The following ABCB9 variants were observed in gnomAD, a reference collection of about 807,000 sequenced individuals.
ABCB9 encodes ATP binding cassette subfamily B member 9.
A neutral mutation model predicts 62.0 loss-of-function variants in ABCB9; 36 were observed. That is an observed-to-expected ratio of 0.58 (90% confidence interval 0.45 to 0.77). ABCB9 has a LOEUF of 0.77. Among genes scored for constraint, ABCB9 ranks in the 30% least tolerant of loss-of-function variants. The pLI is 0.00. For synonymous variants in ABCB9, 435 were observed against 461.4 expected, an observed-to-expected ratio of 0.94 and a Z score of 0.73; for missense variants, 943 against 1,054.7, an observed-to-expected ratio of 0.89 and a Z score of 1.47.
intron 9 of ABCB9, among the ~76,000 whole-genome samples, chr12:122,939,222 T>C (rs2035613077): frequency 6.6e-6 from 1 of 152,132 alleles, no homozygotes; most frequent in African/African-American, 2.4e-5. Flanking sequence ...GCATAAATAA[T>C]TGTGATAAAC....
chr12:122,931,934 A>G (rs2135759871), intron 11 of ABCB9: 1 of 595,186 alleles, frequency 1.7e-6, no homozygotes, highest in East Asian at 3.1e-5. Context: ...GTAAGCCACC[A>G]CTCATGACCC....
chr12:122,950,759 C>G, intron 2 of ABCB9, 194 bp from the exon 3 acceptor site: 1 of 541,660 alleles, frequency 1.8e-6, no homozygotes, highest in East Asian at 2.9e-5. Context: ...AACAGGGGAG[C>G]ACTGGGCCTT....
Position 122,950,531 on chromosome 12 carries a change from G to A in ABCB9, c.636C>T (p.Ala212=). 1.9e-6 allele frequency: 3 copies of A among 1,613,180 alleles called. 1 individual carries two copies. In the South Asian group the frequency reaches 3.3e-5, roughly 18 times the overall value. The change falls in exon 3 of 12, where the codon GCC becomes GCT. Residue 212 remains alanine (A), a synonymous_variant. Transcript: ENST00000280560. ...TTTTCTGGATGACGATGCCATCAAT[G>A]GCGCGGCCCGTGTAGTAGGGCAGGA... is the stretch of plus-strand genomic sequence containing the variant. ...ETFLPYYTGR[A]IDGIVIQKSM...
At position 122,949,881 on chromosome 12, in the gene ABCB9, G is replaced by C; in HGVS notation, c.754C>G (p.Leu252Val). ...CGAATGTTCAGTCTGGCAAATATGA[G>C]GGTAAAAATGCCGCCCCGAATACCT... ...AAGIRGGIFTLIFARLNIRLR... is the reference protein window; with the variant it reads ...AAGIRGGIFTVIFARLNIRLR... The change falls in exon 4 of 12, where the codon CTC (leucine) becomes GTC (valine). Residue 252 changes from leucine to valine, a missense_variant. Transcript: ENST00000280560. The C allele has an allele frequency of 2.5e-6, 4 of 1,614,186 alleles. No individual in the cohort carries two copies. Among genetic ancestry groups the C allele is most frequent in the Non-Finnish European group, 3.4e-6 (4 of 1,180,008 alleles).
chr12:122,950,540 C>G lies in ABCB9; in HGVS notation c.627G>C (p.Thr209=), dbSNP rs115213079. ...ALGETFLPYY[T]GRAIDGIVIQ... is the part of the protein sequence containing the mutation. ...TGACGATGCCATCAATGGCGCGGCC[C>G]GTGTAGTAGGGCAGGAAGGTCTCTC... The change falls in exon 3 of 12, where the codon ACG becomes ACC. Residue 209 remains threonine, a synonymous_variant. Coordinates refer to ENST00000280560, the MANE Select transcript of ABCB9 (RefSeq NM_019625.4). 1.7e-5 allele frequency: 28 copies of G among 1,612,724 alleles called. No individual in the cohort carries two copies. Among genetic ancestry groups the G allele is most frequent in the African/African-American group, 5.3e-5 (4 of 74,924 alleles).
At chr12:122,924,338 G>A (rs993709752), downstream of ABCB9, among the ~76,000 whole-genome samples, 1 of 152,152 alleles carries the variant, frequency 6.6e-6, no homozygotes, top group Non-Finnish European at 1.5e-5. Context: ...CTATGTTACG[G>A]CATATCGAAG....
chr12:122,949,974 C>A lies in ABCB9; in HGVS notation c.717-56G>T. 2.5e-6 allele frequency: 4 copies of A among 1,605,636 alleles called. No homozygotes were observed. In the South Asian group the frequency reaches 4.4e-5, roughly 18 times the overall value. Reference sequence around the variant, plus strand: ...ATGTCCTTCCAGACCAGTGACCACACCCGGCTGCCCCCTCCCGCTGCCGGC... The same window carrying A: ...ATGTCCTTCCAGACCAGTGACCACAACCGGCTGCCCCCTCCCGCTGCCGGC... On this transcript the variant is annotated intron_variant, in intron 3 of 11. Coordinates refer to ENST00000280560, the MANE Select transcript of ABCB9 (RefSeq NM_019625.4).
chr12:122,974,700 G>A (rs1178121077), intron 1 of ABCB9: 2 of 152,386 alleles, frequency 1.3e-5, no homozygotes, highest in Non-Finnish European at 1.5e-5. Flanking sequence ...GGAGCGTTTT[G>A]GTGGAGACAC....
At chr12:122,928,917 C>G, downstream of ABCB9, 1 of 816,842 alleles carries the variant, frequency 1.2e-6, no homozygotes, top group East Asian at 1.3e-4. Context: ...CCAGAGAGGG[C>G]TGAGAGGAGA....
At chr12:122,926,500 T>C (rs957511285), downstream of ABCB9, among the ~76,000 whole-genome samples, 2 of 152,132 alleles carry the variant, frequency 1.3e-5, no homozygotes, top group Admixed American at 1.3e-4. Flanking sequence ...CGAGCTAAGA[T>C]TGTGCCACTG....
intron 10 of ABCB9, 135 bp downstream of exon 10, chr12:122,935,136 TG>T: frequency 9.1e-7 from 1 of 1,098,418 alleles, no homozygotes; most frequent in Non-Finnish European, 1.2e-6. Flanking sequence ...GGTTCGAGTC[TG>T]GCCAGGGTAA....
At chr12:122,962,729 G>A (rs2036973515) in intron 1 of ABCB9, among the ~76,000 whole-genome samples, 1 of 152,190 alleles carries the variant, frequency 6.6e-6, no homozygotes, top group South Asian at 2.1e-4. Context: ...AGCAGACAGG[G>A]ATGTAACACT....
Position 122,932,044 on chromosome 12 carries a change from A to G in ABCB9, c.2040+148T>C. The G allele has an allele frequency of 7.1e-7, 1 of 1,412,804 alleles. No individual in the cohort carries two copies. The highest frequency in any genetic ancestry group is 2.5e-5 in the East Asian group (1 of 40,114). The allele number at this position is 1,412,804 out of a possible 1,614,324, so 87.5% of individuals were successfully genotyped here. On this transcript the variant is annotated intron_variant, in intron 11 of 11. Coordinates refer to ENST00000280560, the MANE Select transcript of ABCB9 (RefSeq NM_019625.4). This position sits in a 1 kb window ranked among gnomAD's most constrained non-coding sequence, Gnocchi z 4.7. ...AGTGGCTCCTGGCTCCCCACTCTCA[A>G]CACCAGGAATTCACCAGCCCAGGAG...
intron 7 of ABCB9, among the ~76,000 whole-genome samples, chr12:122,942,548 G>A (rs1448320766): frequency 1.3e-5 from 2 of 151,436 alleles, no homozygotes; most frequent in African/African-American, 4.9e-5. Context: ...GAACCCGGGA[G>A]GCAGGGGTTG....
At chr12:122,938,073 A>G (rs1422344877) in intron 9 of ABCB9, among the ~76,000 whole-genome samples, 1 of 152,220 alleles carries the variant, frequency 6.6e-6, no homozygotes, top group East Asian at 1.9e-4. Context: ...AGCTGTTGTG[A>G]CAGAAACTAC....
In ABCB9 at chr12:122,929,024, G is replaced by A. The variant is rs1317062404; in HGVS notation, c.*887C>T. On this transcript the variant is annotated 3_prime_UTR_variant, in exon 12 of 12. Coordinates refer to ENST00000280560, the MANE Select transcript of ABCB9 (RefSeq NM_019625.4). The surrounding 1 kb of genome is among the most constrained non-coding windows in gnomAD (Gnocchi z 6.0). Reference sequence around the variant, plus strand: ...TAAGAGGTAGTACACTTTATTGACCGGGTTCTCTCAACATGTTGCAACCTC... The same window carrying A: ...TAAGAGGTAGTACACTTTATTGACCAGGTTCTCTCAACATGTTGCAACCTC... 1.2e-5 allele frequency: 12 copies of A among 985,770 alleles called. No individual in the cohort carries two copies. The Admixed American group carries it at 3.7e-4, about 30-fold the overall frequency. The allele number at this position is 985,770 out of a possible 1,614,324, so 61.1% of individuals were successfully genotyped here. A position where few individuals can be genotyped will look rare whatever the true frequency, so the allele number is the denominator to read the frequency against.
chr12:122,950,548 A>AGGGCAGGAAGGTCTCTCCTGGGGG lies in ABCB9; in HGVS notation c.602-7_618dup (p.Pro206_Tyr207insProProGlyGluThrPheLeuPro). On this transcript the variant is annotated inframe_insertion, in exon 3 of 12. Transcript: ENST00000280560. ...CCATCAATGGCGCGGCCCGTGTAGT[A>AGGGCAGGAAGGTCTCTCCTGGGGG]GGGCAGGAAGGTCTCTCCTGGGGGA... 6.2e-7 allele frequency: 1 copy of AGGGCAGGAAGGTCTCTCCTGGGGG among 1,612,484 alleles called. No individual in the cohort carries two copies. The highest frequency in any genetic ancestry group is 2.2e-5 in the East Asian group (1 of 44,878).
At position 122,930,383 on chromosome 12, in the gene ABCB9, C is replaced by CCAGTCTT. The variant is rs2035090665; in HGVS notation, c.2041-219_2041-213dup. 6.6e-6 allele frequency among the ~76,000 whole-genome samples: 1 copy of CCAGTCTT among 151,538 alleles called. No homozygotes were observed. The highest frequency in any genetic ancestry group is 1.5e-5 in the Non-Finnish European group (1 of 67,878). On this transcript the variant is annotated intron_variant, in intron 11 of 11. Coordinates refer to ENST00000280560, the MANE Select transcript of ABCB9 (RefSeq NM_019625.4). The surrounding 1 kb of genome is among the most constrained non-coding windows in gnomAD (Gnocchi z 4.9). ...GGGGGATCAGCTCTACCCTGGCCCT[C>CCAGTCTT]CAGTCTTCTGGTCCTTCCCTTCCCC... is the stretch of plus-strand genomic sequence containing the variant.
At chr12:122,945,434 T>A (rs1594024227) in intron 6 of ABCB9, among the ~76,000 whole-genome samples, 1 of 151,962 alleles carries the variant, frequency 6.6e-6, no homozygotes, top group Non-Finnish European at 1.5e-5. Flanking sequence ...GTCGGGAGTG[T>A]GTGTGGCTGT....
Sources: gnomAD v4.1 joint callset for allele counts (sites outside exome capture counted in the v4.1 genomes callset) on GRCh38, gnomAD v4.1.1 for gene constraint, Gnocchi (gnomAD v3.1) non-coding constraint, MANE v1.5 for transcripts, NCBI Gene and HGNC (gene_info 2026-07-23, HGNC 2026-07-21) for gene names.